Variants in OSBP2 observed in about 807,000 individuals in gnomAD.
OSBP2 encodes the protein oxysterol-binding protein 2.
In OSBP2, 66 loss-of-function variants were observed where a neutral mutation model predicts 96.0. The ratio of observed to expected loss-of-function variants is 0.69; its 90% confidence interval spans 0.56 to 0.84. The LOEUF is 0.84. Among genes scored for constraint, OSBP2 ranks in the 40% least tolerant of loss-of-function variants. OSBP2 has a pLI of 0.00. For missense variants in OSBP2, 1,038 were observed against 1,222.7 expected, an observed-to-expected ratio of 0.85 and a Z score of 2.25; for synonymous variants, 525 against 520.9, an observed-to-expected ratio of 1.01 and a Z score of -0.11.
At chr22:30,841,507 G>C (rs190493512) in intron 2 of OSBP2, among the ~76,000 whole-genome samples, 1 of 152,260 alleles carries the variant, frequency 6.6e-6, no homozygotes, top group African/African-American at 2.4e-5. Flanking sequence ...TCTCTCCTTT[G>C]TACTGTTGAG....
intron 2 of OSBP2, among the ~76,000 whole-genome samples, chr22:30,808,592 G>A (rs2090963222): frequency 6.6e-6 from 1 of 152,176 alleles, no homozygotes; most frequent in South Asian, 2.1e-4. Flanking sequence ...TTTGCAGATG[G>A]AATCAAGTCA....
At chr22:30,832,208 A>C (rs1205271581) in intron 2 of OSBP2, among the ~76,000 whole-genome samples, 1 of 152,162 alleles carries the variant, frequency 6.6e-6, no homozygotes, top group Non-Finnish European at 1.5e-5. Flanking sequence ...ATTCACACTG[A>C]AGTCCTTAAT....
intron 12 of OSBP2, 52 bp downstream of exon 12, chr22:30,894,053 A>G: frequency 6.6e-7 from 1 of 1,506,004 alleles, no homozygotes. Flanking sequence ...GGGAAGGAGG[A>G]CAGTGGACAG....
chr22:30,903,631 T>C (rs1462955969), intron 12 of OSBP2, among the ~76,000 whole-genome samples: 2 of 152,254 alleles, frequency 1.3e-5, no homozygotes, highest in Non-Finnish European at 2.9e-5. Context: ...TTCCCCTCTC[T>C]GGCCAGCTGC....
intron 2 of OSBP2, among the ~76,000 whole-genome samples, chr22:30,823,598 C>T (rs1303253913): frequency 1.3e-5 from 2 of 152,270 alleles, no homozygotes; most frequent in African/African-American, 4.8e-5. Flanking sequence ...CTAATGGCTT[C>T]ATAAGACCTT....
chr22:30,858,602 G>A (rs1240632724), intron 2 of OSBP2, among the ~76,000 whole-genome samples: 4 of 151,788 alleles, frequency 2.6e-5, no homozygotes, highest in East Asian at 3.9e-4. Context: ...TTCCTGGCCA[G>A]GGACGGTGGC....
rs1312079144 is a variant in OSBP2 at position 30,870,419 on chromosome 22, T to G, written c.854-10T>G. On this transcript the variant is annotated splice_polypyrimidine_tract_variant and intron_variant, in intron 2 of 13. Coordinates refer to ENST00000332585, the MANE Select transcript of OSBP2 (RefSeq NM_030758.4). The surrounding 1 kb of genome is among the most constrained non-coding windows in gnomAD (Gnocchi z 4.1). ...CGTAATGACCGTAACAACTCTATTT[T>G]CTTCCACAGATGACTCTGGGGACGA... 6.2e-7 allele frequency: 1 copy of G among 1,613,334 alleles called. No homozygotes were observed. The highest frequency in any genetic ancestry group is 8.5e-7 in the Non-Finnish European group (1 of 1,179,960).
chr22:30,725,277 G>A (rs904418384), intron 1 of OSBP2, among the ~76,000 whole-genome samples: 1 of 151,928 alleles, frequency 6.6e-6, no homozygotes, highest in African/African-American at 2.4e-5. Flanking sequence ...GGCCAAGGCA[G>A]TCAGATCTCT....
chr22:30,888,072 C>T (rs761549452), intron 4 of OSBP2, 151 bp from the exon 5 acceptor site: 83 of 659,990 alleles, frequency 1.3e-4, no homozygotes, highest in Non-Finnish European at 2.0e-4. Flanking sequence ...CAAGGGTGGC[C>T]GCAGCCCAGG....
At chr22:30,849,232 G>GGGC (rs1208662289) in intron 2 of OSBP2, among the ~76,000 whole-genome samples, 1 of 152,098 alleles carries the variant, frequency 6.6e-6, no homozygotes, top group Non-Finnish European at 1.5e-5. Flanking sequence ...TCATGCCACT[G>GGGC]CACTTCAGCC....
chr22:30,794,325 G>A (rs1301803149), intron 2 of OSBP2, among the ~76,000 whole-genome samples: 3 of 145,622 alleles, frequency 2.1e-5, no homozygotes, highest in East Asian at 2.0e-4. Context: ...GCAGTGGCAC[G>A]ATCTCGACTC....
At chr22:30,710,538 G>A (rs1284047560) in intron 1 of OSBP2, among the ~76,000 whole-genome samples, 1 of 151,972 alleles carries the variant, frequency 6.6e-6, no homozygotes, top group Non-Finnish European at 1.5e-5. Flanking sequence ...GATAGAATTA[G>A]TGTTTAATAG....
At chr22:30,784,434 A>T (rs136302) in intron 2 of OSBP2, among the ~76,000 whole-genome samples, 33,677 of 150,892 alleles carry the variant, frequency 0.22, 3,871 homozygotes, top group Middle Eastern at 0.31. Context: ...AAAAAAAAAA[A>T]TTTTTTTAAA....
chr22:30,902,381 C>CT (rs1383096464), intron 12 of OSBP2: 1 of 1,571,872 alleles, frequency 6.4e-7, no homozygotes, highest in Admixed American at 1.7e-5. Flanking sequence ...AGTGGATTCC[C>CT]TTAAGGAAGC....
intron 2 of OSBP2, among the ~76,000 whole-genome samples, chr22:30,801,276 G>T (rs1269509032): frequency 6.6e-6 from 1 of 152,192 alleles, no homozygotes; most frequent in Non-Finnish European, 1.5e-5. Flanking sequence ...ATAAAAAAGA[G>T]AAGAAAGAAA....
chr22:30,699,612 G>C (rs1315042003), intron 1 of OSBP2, among the ~76,000 whole-genome samples: 1 of 152,102 alleles, frequency 6.6e-6, no homozygotes, highest in East Asian at 1.9e-4. Context: ...AACTGTGATC[G>C]CTCATTGTAG....
intron 2 of OSBP2, among the ~76,000 whole-genome samples, chr22:30,858,132 T>G (rs926540837): frequency 1.1e-5 from 1 of 88,110 alleles, no homozygotes; most frequent in African/African-American, 6.7e-5. Flanking sequence ...TTTTTTTTTG[T>G]TTGTTTGTTT....
rs1455822861 is a variant in OSBP2 at position 30,889,184 on chromosome 22, G to C, written c.1426G>C (p.Ala476Pro). 4 of 1,613,370 alleles carry C rather than the reference G, an allele frequency of 2.5e-6. No homozygotes were observed. Among genetic ancestry groups the C allele is most frequent in the Non-Finnish European group, 3.4e-6 (4 of 1,179,814 alleles). The change falls in exon 6 of 14, where the codon GCT becomes CCT. Residue 476 changes from alanine (A) to proline (P), a missense_variant. This residue lies in a region of OSBP2 where 737 missense variants were observed against 913.3 expected (regional missense o/e 0.81). Coordinates refer to ENST00000332585, the MANE Select transcript of OSBP2 (RefSeq NM_030758.4). Reference sequence around the variant, plus strand: ...CCCGCTTTGTATTTCCAGCAGAAAAGCTGAAGGTAGCACCGGGACAAGTTC... The same window carrying C: ...CCCGCTTTGTATTTCCAGCAGAAAACCTGAAGGTAGCACCGGGACAAGTTC... The part of the protein sequence containing the change: ...ITEAKEDSRK[A>P]EGSTGTSSVD...
intron 12 of OSBP2, 198 bp downstream of exon 12, chr22:30,894,199 A>G: frequency 1.7e-6 from 1 of 589,390 alleles, no homozygotes; most frequent in Non-Finnish European, 3.0e-6. Flanking sequence ...AACACTATGC[A>G]CAGACTTTAA....
Sources: allele counts gnomAD v4.1 joint callset (sites outside exome capture counted in the v4.1 genomes callset), GRCh38; gene constraint gnomAD v4.1.1; regional missense constraint gnomAD v4.1.1; non-coding constraint Gnocchi (gnomAD v3.1); transcripts MANE v1.5; gene names NCBI Gene and HGNC (gene_info 2026-07-23, HGNC 2026-07-21).